The following UBASH3B variants were observed in gnomAD, a reference collection of about 807,000 sequenced individuals.
UBASH3B encodes ubiquitin associated and SH3 domain containing B, also known as ubiquitin-associated and SH3 domain-containing protein B.
Under a neutral mutation model 83.4 loss-of-function variants are expected in UBASH3B, and 37 were observed. The observed-to-expected ratio is 0.44, with a 90% CI of 0.34 to 0.58. The LOEUF is 0.58. Ranked by LOEUF, UBASH3B falls within the 20% of genes least tolerant of loss-of-function variation. UBASH3B has a pLI of 0.01. For synonymous variants in UBASH3B, 304 were observed against 318.3 expected, an observed-to-expected ratio of 0.96 and a Z score of 0.48; for missense variants, 657 against 827.2, an observed-to-expected ratio of 0.79 and a Z score of 2.52.
intron 1 of UBASH3B, among the ~76,000 whole-genome samples, chr11:122,740,146 C>G (rs1217338778): frequency 2.6e-5 from 4 of 152,166 alleles, no homozygotes; most frequent in African/African-American, 9.7e-5. Flanking sequence ...ATATTCAGTT[C>G]TACACGCTGA....
chr11:122,807,266 C>T (rs985798972), intron 12 of UBASH3B, among the ~76,000 whole-genome samples: 3 of 152,134 alleles, frequency 2.0e-5, no homozygotes, highest in Non-Finnish European at 4.4e-5. Flanking sequence ...CACAGACAGC[C>T]CTATGGACAC....
chr11:122,807,956 C>T (rs1164982585), intron 12 of UBASH3B, 111 bp from the exon 13 acceptor site: 3 of 805,176 alleles, frequency 3.7e-6, no homozygotes, highest in Non-Finnish European at 6.6e-6. Context: ...GGCAAATTGT[C>T]TTCTTGAGTG....
intron 1 of UBASH3B, among the ~76,000 whole-genome samples, chr11:122,762,649 T>TAGA (rs1406772286): frequency 6.6e-6 from 1 of 152,242 alleles, no homozygotes; most frequent in Non-Finnish European, 1.5e-5. Context: ...CGCTCTTCAG[T>TAGA]AGACTCCTGC....
chr11:122,794,014 G>T (rs1479019729), intron 6 of UBASH3B, among the ~76,000 whole-genome samples: 1 of 152,116 alleles, frequency 6.6e-6, no homozygotes, highest in Non-Finnish European at 1.5e-5. Flanking sequence ...AGGCAACAGG[G>T]ATCGTAGATT....
intron 1 of UBASH3B, among the ~76,000 whole-genome samples, chr11:122,657,974 G>A (rs1565519219): frequency 6.6e-6 from 1 of 152,132 alleles, no homozygotes; most frequent in East Asian, 1.9e-4. Context: ...TCAGAAGTTT[G>A]AGACCAGCCT....
intron 1 of UBASH3B, among the ~76,000 whole-genome samples, chr11:122,716,197 G>T (rs968459809): frequency 1.3e-5 from 2 of 152,172 alleles, no homozygotes; most frequent in Non-Finnish European, 2.9e-5. Context: ...TCTGAGACAG[G>T]GTCTCACTCT....
At position 122,753,139 on chromosome 11, in the gene UBASH3B, A is replaced by G. The variant is rs184713532; in HGVS notation, c.162-23080A>G. Among the ~76,000 whole-genome samples the G allele has an allele frequency of 7.8e-3, 1,192 of 151,986 alleles. 11 individuals carry two copies. The highest frequency in any genetic ancestry group is 0.044 in the Middle Eastern group (13 of 294). ...ACATCTTCAAGTATGAACACTAGAA[A>G]AAAAAAAAAAACTCGAGTTTCTGGC... On this transcript the variant is annotated intron_variant, in intron 1 of 13. Coordinates refer to ENST00000284273, the MANE Select transcript of UBASH3B (RefSeq NM_032873.5).
chr11:122,767,081 C>G (rs1327585416), intron 1 of UBASH3B, among the ~76,000 whole-genome samples: 2 of 152,070 alleles, frequency 1.3e-5, no homozygotes, highest in Non-Finnish European at 2.9e-5. Context: ...AGATCGAGAC[C>G]AGCCTGACCA....
chr11:122,661,015 A>G (rs74662622), intron 1 of UBASH3B, among the ~76,000 whole-genome samples: 2 of 152,310 alleles, frequency 1.3e-5, no homozygotes, highest in East Asian at 3.9e-4. Context: ...ACAAAATGAG[A>G]TAACAGACAG....
chr11:122,808,505 G>A (rs1262973958), intron 13 of UBASH3B, among the ~76,000 whole-genome samples: 2 of 152,188 alleles, frequency 1.3e-5, no homozygotes, highest in African/African-American at 4.8e-5. Flanking sequence ...GATCAATAGA[G>A]GTCAGTCCAA....
At chr11:122,686,916 G>A (rs1035663516) in intron 1 of UBASH3B, among the ~76,000 whole-genome samples, 6 of 151,766 alleles carry the variant, frequency 4.0e-5, no homozygotes, top group African/African-American at 1.5e-4. Flanking sequence ...CGCCCAGGCT[G>A]GAGTACAGTG....
At chr11:122,761,940 C>T (rs1191222988) in intron 1 of UBASH3B, among the ~76,000 whole-genome samples, 1 of 151,804 alleles carries the variant, frequency 6.6e-6, no homozygotes, top group African/African-American at 2.4e-5. Context: ...TACAGGCATG[C>T]ACCACCACGC....
intron 8 of UBASH3B, among the ~76,000 whole-genome samples, chr11:122,796,629 G>A (rs1861162298): frequency 6.6e-6 from 1 of 152,170 alleles, no homozygotes; most frequent in Admixed American, 6.5e-5. Context: ...TGAAGATACA[G>A]AGGCTTGCTT....
At chr11:122,703,693 T>C (rs2135930787) in intron 1 of UBASH3B, among the ~76,000 whole-genome samples, 1 of 152,352 alleles carries the variant, frequency 6.6e-6, no homozygotes, top group South Asian at 2.1e-4. Context: ...TATAATGTAT[T>C]GTTTTATTGT....
At chr11:122,765,291 G>A (rs147381429) in intron 1 of UBASH3B, among the ~76,000 whole-genome samples, 2 of 152,362 alleles carry the variant, frequency 1.3e-5, no homozygotes, top group East Asian at 3.9e-4. Context: ...CAGCCTGGAA[G>A]GCACCAAGGG....
chr11:122,792,867 C>A (rs1343499602), intron 6 of UBASH3B, among the ~76,000 whole-genome samples: 2 of 152,070 alleles, frequency 1.3e-5, no homozygotes, highest in African/African-American at 2.4e-5. Flanking sequence ...AACCCCAGCA[C>A]GAGTGTATTT....
chr11:122,742,650 G>T (rs4144903), intron 1 of UBASH3B, among the ~76,000 whole-genome samples: 68,884 of 151,768 alleles, frequency 0.45, 16,328 homozygotes, highest in South Asian at 0.55. Flanking sequence ...GAACCCCCTT[G>T]GTCAGGAATA....
intron 1 of UBASH3B, among the ~76,000 whole-genome samples, chr11:122,723,829 G>A (rs1360539185): frequency 6.6e-6 from 1 of 152,260 alleles, no homozygotes; most frequent in Non-Finnish European, 1.5e-5. Context: ...TAGGAAGGAG[G>A]CAGGGTGGCC....
intron 1 of UBASH3B, among the ~76,000 whole-genome samples, chr11:122,661,310 C>G (rs528762181): frequency 3.9e-5 from 6 of 152,308 alleles, no homozygotes; most frequent in Middle Eastern, 3.4e-3. Flanking sequence ...AAGATAAAAG[C>G]AGCTCCAAGT....
Sources: gnomAD v4.1 joint callset for allele counts (sites outside exome capture counted in the v4.1 genomes callset) on GRCh38, gnomAD v4.1.1 for gene constraint, MANE v1.5 for transcripts, NCBI Gene and HGNC (gene_info 2026-07-23, HGNC 2026-07-21) for gene names.